The following TGM5 variants were observed in gnomAD, a reference collection of about 807,000 sequenced individuals.
TGM5 encodes the protein protein-glutamine gamma-glutamyltransferase 5.
A neutral mutation model predicts 77.2 loss-of-function variants in TGM5; 69 were observed. That is an observed-to-expected ratio of 0.89 (90% CI 0.74 to 1.09). The LOEUF is 1.09. Ranked by LOEUF, TGM5 falls within the 50% of genes least tolerant of loss-of-function variation. The pLI, the probability that TGM5 is intolerant of heterozygous loss-of-function variation, is 0.00. For missense variants in TGM5, 842 were observed against 896.5 expected (o/e 0.94, Z 0.78); for synonymous variants, 346 against 351.8 (o/e 0.98, Z 0.18).
Position 43,235,046 on chromosome 15 carries a change from G to A in TGM5, c.1715-117C>T, listed in dbSNP as rs2042577893. 12 of 1,287,134 alleles carry A rather than the reference G, an allele frequency of 9.3e-6. No individual in the cohort carries two copies. The Admixed American group carries it at 2.3e-4, about 24-fold the overall frequency. 79.7% of individuals were successfully genotyped at this position (1,287,134 alleles called of 1,614,324 possible). A position where few individuals can be genotyped will look rare whatever the true frequency, so the allele number is the denominator to read the frequency against. On this transcript the variant is annotated intron_variant, in intron 10 of 12. Transcript: ENST00000220420. ...AAGTCAACAAGTACCAAATCCCAGG[G>A]AAGCAGGTGGCAGCTTTTTAGATGA... is the stretch of plus-strand genomic sequence containing the variant.
Position 43,266,823 on chromosome 15 carries a change from A to G in TGM5, c.10+17T>C. Reference sequence around the variant, plus strand: ...TTCTTATCCCTGAACTCCAGTGGCCACAGGGGCTTTCCCTACCTTGGGCCA... The same window carrying G: ...TTCTTATCCCTGAACTCCAGTGGCCGCAGGGGCTTTCCCTACCTTGGGCCA... On this transcript the variant is annotated intron_variant, in intron 1 of 12. Transcript: ENST00000220420. 6.2e-7 allele frequency: 1 copy of G among 1,614,078 alleles called. No homozygotes were observed. The highest frequency in any genetic ancestry group is 1.1e-5 in the South Asian group (1 of 91,078).
Position 43,235,505 on chromosome 15 carries a change from G to GCC in TGM5, c.1676_1677dup (p.Gln560GlyfsTer35). ...GAGAGTGTGATGAACGCTGTGTCCT[G>GCC]CCAGAATGGGGACAGGGGGCTGCCA... On this transcript the variant is annotated frameshift_variant, in exon 10 of 13. Coordinates refer to ENST00000220420, the MANE Select transcript of TGM5 (RefSeq NM_201631.4). LOFTEE classifies it high-confidence loss of function. The GCC allele has an allele frequency of 1.2e-6, 2 of 1,614,196 alleles. No homozygotes were observed. Among genetic ancestry groups the GCC allele is most frequent in the Non-Finnish European group, 1.7e-6 (2 of 1,180,038 alleles).
intron 1 of TGM5, among the ~76,000 whole-genome samples, chr15:43,265,805 AAT>A (rs2042819971): frequency 6.6e-6 from 1 of 152,250 alleles, no homozygotes; most frequent in Non-Finnish European, 1.5e-5. Flanking sequence ...AATGCCCATC[AAT>A]AGGGGACAGG....
intron 4 of TGM5, among the ~76,000 whole-genome samples, chr15:43,256,325 T>G (rs966349076): frequency 2.0e-5 from 3 of 152,190 alleles, no homozygotes; most frequent in African/African-American, 7.2e-5. Flanking sequence ...AATTCCTGGG[T>G]GAGGTGCCTT....
intron 1 of TGM5, 78 bp downstream of exon 1, chr15:43,266,762 C>CGTGG: frequency 6.4e-7 from 1 of 1,563,290 alleles, no homozygotes; most frequent in South Asian, 1.1e-5. Context: ...TGAATCCACC[C>CGTGG]TCCACCCCTT....
intron 3 of TGM5, among the ~76,000 whole-genome samples, chr15:43,258,913 C>G (rs868425148): frequency 5.9e-5 from 9 of 152,156 alleles, no homozygotes; most frequent in African/African-American, 1.4e-4. Flanking sequence ...ACTGGCCCTC[C>G]TGGATCCCAT....
intron 3 of TGM5, 50 bp downstream of exon 3, chr15:43,260,002 C>A (rs370634349): frequency 1.2e-6 from 2 of 1,611,176 alleles, no homozygotes; most frequent in Non-Finnish European, 8.5e-7. Flanking sequence ...GTCTCTCTGG[C>A]AGCACTGACA....
chr15:43,266,429 A>G (rs1037493859), intron 1 of TGM5, among the ~76,000 whole-genome samples: 28 of 152,350 alleles, frequency 1.8e-4, no homozygotes, highest in African/African-American at 4.1e-4. Flanking sequence ...CAGAGAACTT[A>G]AGAGCTGGAA....
intron 1 of TGM5, among the ~76,000 whole-genome samples, chr15:43,265,475 G>A (rs1044800958): frequency 6.6e-6 from 1 of 152,220 alleles, no homozygotes; most frequent in Non-Finnish European, 1.5e-5. Flanking sequence ...CTGGCAGCAA[G>A]CGCTGGGACA....
chr15:43,252,897 A>G lies in TGM5; in HGVS notation c.724T>C (p.Trp242Arg). 3.1e-6 allele frequency: 5 copies of G among 1,613,816 alleles called. No individual in the cohort carries two copies. The highest frequency in any genetic ancestry group is 4.2e-6 in the Non-Finnish European group (5 of 1,180,028). ...NDDNGVLNGN[W>R]SENYTDGANP... ...GCGCCGTCTGTGTAATTCTCACTCC[A>G]GTTTCCATTGAGCACCCCATTATCA... Residue 242 changes from tryptophan to arginine, a missense_variant, in exon 6 of 13, where the codon TGG becomes CGG. Trp to Arg is a moderately radical substitution (Grantham distance 101, BLOSUM62 -3). Coordinates refer to ENST00000220420, the MANE Select transcript of TGM5 (RefSeq NM_201631.4).
At chr15:43,245,813 G>C (rs1389485737) in intron 6 of TGM5, among the ~76,000 whole-genome samples, 1 of 151,556 alleles carries the variant, frequency 6.6e-6, no homozygotes, top group Admixed American at 6.6e-5. Flanking sequence ...CAGCGCAGAA[G>C]ATGGCACTGG....
At chr15:43,254,719 G>A (rs899712046) in intron 4 of TGM5, among the ~76,000 whole-genome samples, 3 of 151,950 alleles carry the variant, frequency 2.0e-5, no homozygotes, top group Non-Finnish European at 4.4e-5. Flanking sequence ...TCCCACCCTC[G>A]TGTCTTTGCT....
intron 4 of TGM5, 126 bp downstream of exon 4, chr15:43,256,442 C>T (rs774451627): frequency 1.5e-5 from 12 of 818,914 alleles, no homozygotes; most frequent in Non-Finnish European, 2.6e-5. Flanking sequence ...GGGCTCACAA[C>T]ACACATCTTC....
chr15:43,239,445 T>C (rs2042618048), intron 7 of TGM5, 179 bp from the exon 8 acceptor site: 1 of 676,504 alleles, frequency 1.5e-6, no homozygotes. Flanking sequence ...ACTTTGGGAG[T>C]CTGAGGTGAG....
intron 1 of TGM5, among the ~76,000 whole-genome samples, chr15:43,266,054 A>G (rs2042822350): frequency 6.6e-6 from 1 of 152,218 alleles, no homozygotes; most frequent in Admixed American, 6.5e-5. Flanking sequence ...GACAGGTAAC[A>G]GTGTTTACTC....
intron 6 of TGM5, among the ~76,000 whole-genome samples, chr15:43,248,203 A>G (rs1357301384): frequency 6.6e-6 from 1 of 152,112 alleles, no homozygotes; most frequent in Admixed American, 6.5e-5. Flanking sequence ...TTTGAGACAG[A>G]GTCTTGCTCT....
chr15:43,263,270 A>C (rs75744408), intron 1 of TGM5, among the ~76,000 whole-genome samples: 1 of 152,272 alleles, frequency 6.6e-6, no homozygotes, highest in Non-Finnish European at 1.5e-5. Flanking sequence ...TTAAGATAAC[A>C]AGTTTTTCTG....
intron 1 of TGM5, among the ~76,000 whole-genome samples, chr15:43,261,083 T>TTTTTG (rs1566837489): frequency 1.6e-3 from 112 of 68,254 alleles, no homozygotes; most frequent in African/African-American, 2.3e-3. Context: ...TGTGTTTTTT[T>TTTTTG]TTTTTTTTTT....
chr15:43,234,902 T>C lies in TGM5; in HGVS notation c.1742A>G (p.Tyr581Cys), dbSNP rs769454873. ...TGACAGGTACTGGCTGTACTGGGAA[T>C]AGGAGATTTTGCAGGGGTAGGTCTT... ...EAKTYPCKIS[Y>C]SQYSQYLSTD... Residue 581 changes from tyrosine (Y) to cysteine (C), a missense_variant, in exon 11 of 13, where the codon TAT (tyrosine) becomes TGT (cysteine). Physicochemically the swap from Tyr to Cys is radical, Grantham distance 194 (BLOSUM62 -2). This residue lies in a region of TGM5 where 815 missense variants were observed against 844.6 expected (regional missense o/e 0.96). Transcript: ENST00000220420. 7.4e-6 allele frequency: 12 copies of C among 1,614,114 alleles called. No homozygotes were observed. The South Asian group carries it at 1.2e-4, about 16-fold the overall frequency.
Sources: gnomAD v4.1 joint callset for allele counts (sites outside exome capture counted in the v4.1 genomes callset) on GRCh38, gnomAD v4.1.1 for gene constraint, gnomAD v4.1.1 regional missense constraint, MANE v1.5 for transcripts, NCBI Gene and HGNC (gene_info 2026-07-23, HGNC 2026-07-21) for gene names.